The following LIMS1 variants were observed in gnomAD, a reference collection of about 807,000 sequenced individuals.
The protein encoded by LIMS1 is LIM zinc finger domain containing 1.
A neutral mutation model predicts 44.1 loss-of-function variants in LIMS1; 18 were observed. The observed-to-expected ratio is 0.41, with a 90% CI of 0.28 to 0.61. The LOEUF (loss-of-function observed/expected upper bound fraction) is 0.61. Ranked by LOEUF, LIMS1 falls within the 20% of genes least tolerant of loss-of-function variation. The probability of loss-of-function intolerance (pLI) is 0.32; values close to 1 mark genes in which losing one functional copy is unlikely to be tolerated. For missense variants in LIMS1, 201 were observed against 422.0 expected (o/e 0.48, Z 4.59); for synonymous variants, 93 against 149.1 (o/e 0.62, Z 2.74).
chr2:108,614,122 T>C (rs186213313), intron 1 of LIMS1, among the ~76,000 whole-genome samples: 1 of 152,328 alleles, frequency 6.6e-6, no homozygotes, highest in African/African-American at 2.4e-5. Context: ...TTGTTTCTTA[T>C]ACTTGGCTGA....
chr2:108,681,290 C>T, intron 9 of LIMS1: 1 of 985,182 alleles, frequency 1.0e-6, no homozygotes, highest in Non-Finnish European at 1.2e-6. Flanking sequence ...AGAACTGGTC[C>T]TTTTGCATAA....
chr2:108,643,578 G>A (rs567492105), intron 1 of LIMS1, among the ~76,000 whole-genome samples: 44 of 144,670 alleles, frequency 3.0e-4, no homozygotes, highest in African/African-American at 9.5e-4. Context: ...GGCAGACACC[G>A]AGCTAGCCAG....
chr2:108,632,474 G>A (rs138366700), intron 1 of LIMS1, among the ~76,000 whole-genome samples: 1 of 152,162 alleles, frequency 6.6e-6, no homozygotes, highest in African/African-American at 2.4e-5. Flanking sequence ...GTCAGGCAAC[G>A]CGCATTCTCA....
intron 1 of LIMS1, among the ~76,000 whole-genome samples, chr2:108,540,278 A>G (rs1392049999): frequency 7.4e-6 from 1 of 134,826 alleles, no homozygotes; most frequent in Non-Finnish European, 1.5e-5. Context: ...GGCTCACTGC[A>G]GGCTCCGCCT....
chr2:108,571,440 T>C (rs2104632285), intron 1 of LIMS1, among the ~76,000 whole-genome samples: 1 of 152,348 alleles, frequency 6.6e-6, no homozygotes, highest in East Asian at 1.9e-4. Context: ...TGAGCCACAG[T>C]CCACTACTGT....
chr2:108,687,222 A>G (rs1473992391), exon 10 of LIMS1: 1 of 152,210 alleles, frequency 6.6e-6, no homozygotes, highest in Non-Finnish European at 1.5e-5. Flanking sequence ...GGTGCTTAAT[A>G]AATGTTTATA....
intron 1 of LIMS1, among the ~76,000 whole-genome samples, chr2:108,630,483 A>G (rs970306054): frequency 6.8e-5 from 10 of 147,142 alleles, no homozygotes; most frequent in African/African-American, 2.7e-4. Context: ...AATGGTTCAG[A>G]GGGATTCGTT....
chr2:108,627,494 C>T (rs142507699), intron 1 of LIMS1, among the ~76,000 whole-genome samples: 25 of 147,258 alleles, frequency 1.7e-4, no homozygotes, highest in African/African-American at 3.5e-4. Flanking sequence ...GTTGTCAGTA[C>T]GCATCATATT....
intron 1 of LIMS1, among the ~76,000 whole-genome samples, chr2:108,619,020 T>C (rs961883522): frequency 1.3e-5 from 2 of 152,056 alleles, no homozygotes; most frequent in Non-Finnish European, 2.9e-5. Context: ...TTGGTAACTG[T>C]CCCTGTTACT....
intron 1 of LIMS1, among the ~76,000 whole-genome samples, chr2:108,549,275 GTTTCTTT>G (rs1287368622): frequency 7.3e-4 from 63 of 86,544 alleles, no homozygotes; most frequent in Non-Finnish European, 1.2e-3. Context: ...CAAGTAAAGT[GTTTCTTT>G]TTTTTTTTTT....
intron 1 of LIMS1, among the ~76,000 whole-genome samples, chr2:108,643,065 A>G (rs1429617574): frequency 1.3e-5 from 2 of 152,180 alleles, no homozygotes; most frequent in African/African-American, 4.8e-5. Context: ...TGTTTTCATA[A>G]AGTAGAAATC....
At chr2:108,609,300 C>G (rs749306784) in intron 1 of LIMS1, among the ~76,000 whole-genome samples, 10 of 152,156 alleles carry the variant, frequency 6.6e-5, no homozygotes, top group Admixed American at 2.0e-4. Context: ...TCTCTTCCCT[C>G]CCCCATGGCA....
intron 1 of LIMS1, among the ~76,000 whole-genome samples, chr2:108,652,938 T>C (rs746901652): frequency 6.6e-6 from 1 of 152,118 alleles, no homozygotes; most frequent in Non-Finnish European, 1.5e-5. Flanking sequence ...ACCTAAAAAA[T>C]TAGGAAATAT....
intron 1 of LIMS1, among the ~76,000 whole-genome samples, chr2:108,636,634 A>C (rs1219359280): frequency 6.6e-6 from 1 of 152,240 alleles, no homozygotes; most frequent in Non-Finnish European, 1.5e-5. Flanking sequence ...CCTACAGGAC[A>C]CAAGGGGGTC....
chr2:108,669,205 C>T (rs1421346745), intron 2 of LIMS1, among the ~76,000 whole-genome samples: 2 of 151,946 alleles, frequency 1.3e-5, no homozygotes, highest in Admixed American at 1.3e-4. Flanking sequence ...GTCAGGAGTT[C>T]GAGACCAGCC....
At chr2:108,606,366 G>C (rs1687266963) in intron 1 of LIMS1, among the ~76,000 whole-genome samples, 1 of 152,162 alleles carries the variant, frequency 6.6e-6, no homozygotes, top group Non-Finnish European at 1.5e-5. Flanking sequence ...CACCAAGGTG[G>C]GATTCTTCAC....
chr2:108,551,052 C>T (rs1406488591), intron 1 of LIMS1, among the ~76,000 whole-genome samples: 2 of 149,534 alleles, frequency 1.3e-5, no homozygotes, highest in African/African-American at 4.9e-5. Flanking sequence ...TCACTTGAGC[C>T]CAGGAAGTTG....
intron 1 of LIMS1, among the ~76,000 whole-genome samples, chr2:108,612,463 G>T (rs958358076): frequency 6.0e-5 from 9 of 150,890 alleles, no homozygotes; most frequent in African/African-American, 1.9e-4. Context: ...AAACCTGTTA[G>T]AATCTGCCTT....
chr2:108,637,816 T>C (rs1395224665), intron 1 of LIMS1, among the ~76,000 whole-genome samples: 1 of 151,730 alleles, frequency 6.6e-6, no homozygotes, highest in African/African-American at 2.4e-5. Flanking sequence ...TTAAAGTTTC[T>C]AAATGGTCAG....
Sources: gnomAD v4.1 joint callset for allele counts (sites outside exome capture counted in the v4.1 genomes callset) on GRCh38, gnomAD v4.1.1 for gene constraint, MANE v1.5 for transcripts, NCBI Gene and HGNC (gene_info 2026-07-23, HGNC 2026-07-21) for gene names.